Variants in NCOA1 observed in about 807,000 individuals in gnomAD.
NCOA1 encodes the protein nuclear receptor coactivator 1.
In NCOA1, 35 loss-of-function variants were observed where a neutral mutation model predicts 150.9. That is an observed-to-expected ratio of 0.23 (90% CI 0.18 to 0.31). NCOA1 has a LOEUF of 0.31. Ranked by LOEUF, NCOA1 falls within the 10% of genes least tolerant of loss-of-function variation. The pLI is 1.00. For missense variants in NCOA1, 1,491 were observed against 1,749.3 expected (o/e 0.85, Z 2.63); for synonymous variants, 590 against 630.0 (o/e 0.94, Z 0.95).
chr2:24,600,188 C>T (rs1054309057), intron 3 of NCOA1, among the ~76,000 whole-genome samples: 8 of 152,044 alleles, frequency 5.3e-5, no homozygotes, highest in Admixed American at 2.0e-4. Flanking sequence ...AGCAGCATTG[C>T]GATTATGTTT....
At chr2:24,701,430 C>G (rs1673153328) in intron 11 of NCOA1, among the ~76,000 whole-genome samples, 1 of 151,278 alleles carries the variant, frequency 6.6e-6, no homozygotes, top group African/African-American at 2.4e-5. Context: ...TTGCTTGAGC[C>G]CAGGAAGTGA....
chr2:24,545,662 A>G (rs769633065), intron 1 of NCOA1, among the ~76,000 whole-genome samples: 17 of 152,246 alleles, frequency 1.1e-4, no homozygotes, highest in Non-Finnish European at 1.9e-4. Flanking sequence ...TACATAGGAT[A>G]TAGCATTAAA....
Position 24,758,139 on chromosome 2 carries a change from A to C in NCOA1, c.4048A>C (p.Thr1350Pro). 1 of 1,613,708 alleles carries C rather than the reference A, an allele frequency of 6.2e-7. No homozygotes were observed. The highest frequency in any genetic ancestry group is 2.2e-5 in the East Asian group (1 of 44,874). ...CTCTTTGCAGATGCCAGGAATGAACACTGTGTGCCCTGAGCAGGTAAGTGG... is the reference window on the plus strand; with the variant it reads ...CTCTTTGCAGATGCCAGGAATGAACCCTGTGTGCCCTGAGCAGGTAAGTGG... ...MSSLQMPGMN[T>P]VCPEQINDPA... Residue 1350 changes from threonine to proline, a missense_variant, in exon 21 of 23, where the codon ACT (threonine) becomes CCT (proline). Transcript: ENST00000348332.
chr2:24,581,435 G>A (rs1667189898), intron 2 of NCOA1, among the ~76,000 whole-genome samples: 1 of 152,208 alleles, frequency 6.6e-6, no homozygotes, highest in Admixed American at 6.5e-5. Context: ...TTTGCTGGTG[G>A]GAGTGGGAGC....
At chr2:24,745,797 T>TTATAG (rs1040621786) in intron 19 of NCOA1, among the ~76,000 whole-genome samples, 1 of 152,260 alleles carries the variant, frequency 6.6e-6, no homozygotes, top group Non-Finnish European at 1.5e-5. Context: ...ATGTTCCCTT[T>TTATAG]TATAGTTCTG....
intron 1 of NCOA1, among the ~76,000 whole-genome samples, chr2:24,539,790 C>A (rs184078424): frequency 6.6e-6 from 1 of 152,292 alleles, no homozygotes; most frequent in Non-Finnish European, 1.5e-5. Context: ...GTGGGTAACA[C>A]TCATACCATA....
intron 6 of NCOA1, among the ~76,000 whole-genome samples, chr2:24,670,767 A>G (rs890434672): frequency 6.6e-6 from 1 of 152,198 alleles, no homozygotes; most frequent in African/African-American, 2.4e-5. Context: ...TGGTTGCACA[A>G]TTCTGTGAAT....
chr2:24,597,038 C>G (rs1186648924), intron 3 of NCOA1, among the ~76,000 whole-genome samples: 2 of 152,150 alleles, frequency 1.3e-5, no homozygotes, highest in African/African-American at 2.4e-5. Context: ...TGTTTTTACA[C>G]ACTGTGCTTT....
At chr2:24,657,869 T>C (rs191744124) in intron 4 of NCOA1, among the ~76,000 whole-genome samples, 83 of 152,268 alleles carry the variant, frequency 5.5e-4, no homozygotes, top group Non-Finnish European at 8.5e-4. Context: ...ACTAATAAAA[T>C]CCAAAAGGTA....
chr2:24,702,158 T>G (rs1167732424), intron 11 of NCOA1, among the ~76,000 whole-genome samples: 1 of 152,240 alleles, frequency 6.6e-6, no homozygotes, highest in Non-Finnish European at 1.5e-5. Flanking sequence ...AAGTCCACGG[T>G]CCATGTAACA....
intron 2 of NCOA1, among the ~76,000 whole-genome samples, chr2:24,583,694 T>C (rs1456232789): frequency 2.6e-5 from 4 of 152,140 alleles, no homozygotes; most frequent in Admixed American, 2.6e-4. Flanking sequence ...ATATACAGAA[T>C]GGAATACTAT....
chr2:24,645,783 A>G (rs1011182866), intron 4 of NCOA1, among the ~76,000 whole-genome samples: 3 of 152,164 alleles, frequency 2.0e-5, no homozygotes, highest in African/African-American at 7.2e-5. Context: ...TGGACTTGGG[A>G]TGCTCAACCT....
chr2:24,555,701 T>C (rs1666042340), intron 1 of NCOA1, among the ~76,000 whole-genome samples: 1 of 152,242 alleles, frequency 6.6e-6, no homozygotes, highest in Non-Finnish European at 1.5e-5. Context: ...TGTAATTACA[T>C]AGTGTTCCAC....
chr2:24,579,329 G>A (rs1667109011), intron 2 of NCOA1, among the ~76,000 whole-genome samples: 1 of 152,184 alleles, frequency 6.6e-6, no homozygotes, highest in African/African-American at 2.4e-5. Flanking sequence ...AGGAGGTTAG[G>A]CATATATAAG....
In NCOA1 at chr2:24,664,424, A is replaced by C. The variant is rs185599732; in HGVS notation, c.90-1325A>C. On this transcript the variant is annotated intron_variant, in intron 5 of 22. Transcript: ENST00000348332. ...GTCTTTAATATTATTAAGAAAAGTA[A>C]ATGGGGCTGGGCTTGGTAGCTCACG... Among the ~76,000 whole-genome samples the C allele has an allele frequency of 1.4e-3, 207 of 152,230 alleles. 1 individual carries two copies. The highest frequency in any genetic ancestry group is 3.7e-4 in the Non-Finnish European group (25 of 68,012).
At chr2:24,613,886 G>T (rs1668749476) in intron 3 of NCOA1, among the ~76,000 whole-genome samples, 1 of 152,122 alleles carries the variant, frequency 6.6e-6, no homozygotes, top group African/African-American at 2.4e-5. Flanking sequence ...CCCGACTTTT[G>T]AGTTTTAGGA....
At chr2:24,547,357 T>G (rs1329335194) in intron 1 of NCOA1, among the ~76,000 whole-genome samples, 1 of 152,212 alleles carries the variant, frequency 6.6e-6, no homozygotes, top group African/African-American at 2.4e-5. Context: ...TCATTCACTA[T>G]AAATTTAATA....
At chr2:24,523,389 G>A (rs1261283724) in intron 1 of NCOA1, among the ~76,000 whole-genome samples, 2 of 151,592 alleles carry the variant, frequency 1.3e-5, no homozygotes, top group South Asian at 2.1e-4. Flanking sequence ...AGTGGATCAC[G>A]AGGTCAGGAG....
At chr2:24,531,821 G>A (rs1664913622) in intron 1 of NCOA1, among the ~76,000 whole-genome samples, 1 of 152,190 alleles carries the variant, frequency 6.6e-6, no homozygotes, top group Non-Finnish European at 1.5e-5. Context: ...ATTCCATGGT[G>A]TATGTGTGCC....
Sources: allele counts gnomAD v4.1 joint callset (sites outside exome capture counted in the v4.1 genomes callset), GRCh38; gene constraint gnomAD v4.1.1; transcripts MANE v1.5; gene names NCBI Gene and HGNC (gene_info 2026-07-23, HGNC 2026-07-21).